Variants in UPF1 observed in about 807,000 individuals in gnomAD.
The protein encoded by UPF1 is UPF1 RNA helicase and ATPase, also known as regulator of nonsense transcripts 1.
A neutral mutation model predicts 129.2 loss-of-function variants in UPF1; 9 were observed. That is an observed-to-expected ratio of 0.07 (90% CI 0.04 to 0.12). The LOEUF (loss-of-function observed/expected upper bound fraction) is 0.12, where lower values mean the gene tolerates loss of function less well. UPF1 is among the 10% of genes least tolerant of loss of function. The pLI is 1.00. For synonymous variants in UPF1, 649 were observed against 644.9 expected (o/e 1.01, Z -0.10); for missense variants, 788 against 1,525.3 (o/e 0.52, Z 8.05).
intron 1 of UPF1, among the ~76,000 whole-genome samples, chr19:18,836,943 A>ATG: frequency 2.0e-5 from 3 of 151,002 alleles, no homozygotes; most frequent in Non-Finnish European, 4.4e-5. Context: ...TTATAGAGGC[A>ATG]GGGTTTCACC....
At chr19:18,847,096 G>C (rs2055608934) in intron 2 of UPF1, among the ~76,000 whole-genome samples, 1 of 152,118 alleles carries the variant, frequency 6.6e-6, no homozygotes, top group African/African-American at 2.4e-5. Context: ...CTCTTCGCTA[G>C]GCTTGGTGGG....
rs1252527263 is a variant in UPF1, at chr19:18,856,880, G to A, written c.1828G>A (p.Ala610Thr). ...ATGCCTCTGCACCCTTCCCCAGAACGCAGATGTCATCTGCTGCACATGTGT... is the reference window on the plus strand; with the variant it reads ...ATGCCTCTGCACCCTTCCCCAGAACACAGATGTCATCTGCTGCACATGTGT... ...RTAERELLMN[A>T]DVICCTCVGA... Residue 610 changes from alanine to threonine, a missense_variant, in exon 14 of 24, where the codon GCA becomes ACA. Transcript: ENST00000262803. 2 of 1,610,724 alleles carry A rather than the reference G, an allele frequency of 1.2e-6. No homozygotes were observed. The highest frequency in any genetic ancestry group is 1.1e-5 in the South Asian group (1 of 90,924).
intron 15 of UPF1, among the ~76,000 whole-genome samples, chr19:18,859,182 G>A (rs951029733): frequency 2.6e-5 from 4 of 152,356 alleles, no homozygotes; most frequent in South Asian, 2.1e-4. Context: ...CACTGGCTGG[G>A]AAAGGCGTGG....
intron 19 of UPF1, among the ~76,000 whole-genome samples, 187 bp downstream of exon 19, chr19:18,863,799 G>C (rs1438680081): frequency 6.6e-6 from 1 of 152,092 alleles, no homozygotes; most frequent in Non-Finnish European, 1.5e-5. Context: ...GGCATTTTTG[G>C]CTTGGGGCCG....
intron 11 of UPF1, 68 bp downstream of exon 11, chr19:18,855,310 G>T: frequency 6.5e-7 from 1 of 1,545,216 alleles, no homozygotes; most frequent in East Asian, 2.3e-5. Context: ...GGAAGGCCTG[G>T]TGCTGGGAGC....
intron 15 of UPF1, among the ~76,000 whole-genome samples, chr19:18,858,476 G>C (rs1224006786): frequency 1.3e-5 from 2 of 152,114 alleles, no homozygotes; most frequent in East Asian, 3.9e-4. Flanking sequence ...GACCAGCAGA[G>C]TGTCACGAAG....
intron 18 of UPF1, 37 bp downstream of exon 18, chr19:18,862,189 C>T (rs1330009381): frequency 4.4e-6 from 7 of 1,604,486 alleles, no homozygotes; most frequent in Non-Finnish European, 6.0e-6. Context: ...CCCAGCCGCT[C>T]ATCGGTCCTC....
At position 18,850,007 on chromosome 19, in the gene UPF1, G is replaced by C. The variant is rs1373282402; in HGVS notation, c.462-68G>C. 1.3e-6 allele frequency: 2 copies of C among 1,594,150 alleles called. No individual in the cohort carries two copies. The highest frequency in any genetic ancestry group is 1.7e-6 in the Non-Finnish European group (2 of 1,165,746). ...AACGGTACCGGAACTTTTAACAGGG[G>C]CCCGAAAATTGGAAGTGGTGAAAAG... On this transcript the variant is annotated intron_variant, in intron 3 of 23. Transcript: ENST00000262803. This position sits in a 1 kb window ranked among gnomAD's most constrained non-coding sequence, Gnocchi z 7.1.
chr19:18,842,046 A>T (rs1438308340), intron 1 of UPF1, among the ~76,000 whole-genome samples: 2 of 152,174 alleles, frequency 1.3e-5, no homozygotes, highest in African/African-American at 4.8e-5. Context: ...GCAGTGAGCT[A>T]TGATTCTACC....
chr19:18,842,286 A>G (rs2055550167), intron 1 of UPF1, among the ~76,000 whole-genome samples: 1 of 152,200 alleles, frequency 6.6e-6, no homozygotes, highest in Admixed American at 6.5e-5. Context: ...AGACGTTATG[A>G]AGACATTGGG....
Position 18,846,010 on chromosome 19 carries a change from G to A in UPF1, c.262G>A (p.Ala88Thr), listed in dbSNP as rs757524527. 9.3e-6 allele frequency: 15 copies of A among 1,614,190 alleles called. No individual in the cohort carries two copies. Among genetic ancestry groups the A allele is most frequent in the African/African-American group, 1.3e-5 (1 of 75,060 alleles). The change falls in exon 2 of 24, where the codon GCT becomes ACT. Residue 88 changes from alanine (A) to threonine (T), a missense_variant. By Grantham distance (58) the Ala-to-Thr change is moderately conservative (BLOSUM62 0). Coordinates refer to ENST00000262803, the MANE Select transcript of UPF1 (RefSeq NM_002911.4). ...GCCCGAAGGCATCCTGCAGAACGGG[G>A]CTGTGGACGACAGTGTAGCCAAGAC... ...VGPEGILQNG[A>T]VDDSVAKTSQ...
At chr19:18,857,043 C>T (rs1314574881) in intron 14 of UPF1, 23 bp downstream of exon 14, 1 of 1,597,572 alleles carries the variant, frequency 6.3e-7, no homozygotes, top group African/African-American at 1.3e-5. Flanking sequence ...CCCTGCCCTC[C>T]TGTGTGAAAA....
chr19:18,849,892 T>G (rs2055639580), intron 3 of UPF1, 183 bp from the exon 4 acceptor site: 6 of 658,778 alleles, frequency 9.1e-6, no homozygotes, highest in Non-Finnish European at 1.5e-5. Flanking sequence ...GGATTGATTT[T>G]TGTGCTCAGT....
Position 18,832,314 on chromosome 19 carries a change from C to T in UPF1, c.105C>T (p.Phe35=). The T allele has an allele frequency of 6.5e-7, 1 of 1,529,214 alleles. No individual in the cohort carries two copies. Among genetic ancestry groups the T allele is most frequent in the African/African-American group, 1.4e-5 (1 of 69,436 alleles). The allele number at this position is 1,529,214 out of a possible 1,614,324, so 94.7% of individuals were successfully genotyped here. ...GADTQGSEFE[F]TDFTLPSQTQ... is the part of the protein sequence containing the mutation. ...ACACACAGGGCTCCGAGTTCGAGTT[C>T]ACCGACTTTACTCTTCCTAGCCAGA... is the stretch of plus-strand genomic sequence containing the variant. The change falls in exon 1 of 24, where the codon TTC becomes TTT. Residue 35 remains phenylalanine, a synonymous_variant. Coordinates refer to ENST00000262803, the MANE Select transcript of UPF1 (RefSeq NM_002911.4). The surrounding 1 kb of genome is among the most constrained non-coding windows in gnomAD (Gnocchi z 5.6).
In UPF1 at chr19:18,857,327, T is replaced by C; in HGVS notation, c.1976T>C (p.Leu659Pro). Reference sequence around the variant, plus strand: ...GGGCCCCTGTTCCTACAGCTGATCCTTGTAGGCGACCACTGCCAGCTGGGC... The same window carrying C: ...GGGCCCCTGTTCCTACAGCTGATCCCTGTAGGCGACCACTGCCAGCTGGGC... ...PVVLGAKQLI[L>P]VGDHCQLGPV... The change falls in exon 15 of 24, where the codon CTT (leucine) becomes CCT (proline). Residue 659 changes from leucine to proline, a missense_variant. Transcript: ENST00000262803. 6.2e-7 allele frequency: 1 copy of C among 1,612,122 alleles called. No individual in the cohort carries two copies. The highest frequency in any genetic ancestry group is 8.5e-7 in the Non-Finnish European group (1 of 1,179,604).
intron 19 of UPF1, among the ~76,000 whole-genome samples, chr19:18,863,848 T>A (rs906187033): frequency 6.6e-6 from 1 of 152,172 alleles, no homozygotes; most frequent in Non-Finnish European, 1.5e-5. Context: ...GGCTCAGGGC[T>A]GCTGTGCTGC....
Position 18,857,542 on chromosome 19 carries a change from G to T in UPF1, c.2182+9G>T. 3 of 1,605,810 alleles carry T rather than the reference G, an allele frequency of 1.9e-6. No homozygotes were observed. The highest frequency in any genetic ancestry group is 1.7e-4 in the Middle Eastern group (1 of 6,026). The stretch of plus-strand genomic sequence containing the variant: ...GAATGGTGTCACTGCAGGTAACGGG[G>T]CTCTGCCCAGGGCAGGGGCTTCTAC... On this transcript the variant is annotated intron_variant, in intron 15 of 23. Transcript: ENST00000262803.
At chr19:18,852,327 T>C (rs1040662262) in intron 6 of UPF1, 31 bp downstream of exon 6, 3 of 1,608,524 alleles carry the variant, frequency 1.9e-6, no homozygotes, top group Non-Finnish European at 8.5e-7. Context: ...TGGCCTGGGG[T>C]GGGCTCTGGC....
chr19:18,865,533 CG>C lies in UPF1; in HGVS notation c.3020-26del. ...TTGTCTGCGAGGCCCTGGCCTCCTT[CG>C]GATCACCCTGGACTGCTGTCTTTCA... On this transcript the variant is annotated intron_variant, in intron 21 of 23. Transcript: ENST00000262803. The surrounding 1 kb of genome is among the most constrained non-coding windows in gnomAD (Gnocchi z 6.1). 1 of 1,613,494 alleles carries C rather than the reference CG, an allele frequency of 6.2e-7. No individual in the cohort carries two copies. The highest frequency in any genetic ancestry group is 8.5e-7 in the Non-Finnish European group (1 of 1,179,738).
Sources: allele counts gnomAD v4.1 joint callset (sites outside exome capture counted in the v4.1 genomes callset), GRCh38; gene constraint gnomAD v4.1.1; non-coding constraint Gnocchi (gnomAD v3.1); transcripts MANE v1.5; gene names NCBI Gene and HGNC (gene_info 2026-07-23, HGNC 2026-07-21).